Variants in SPPL2B observed in about 807,000 individuals in gnomAD.
SPPL2B encodes the protein signal peptide peptidase like 2B.
SPPL2B carries 39 observed loss-of-function variants against 59.7 expected under a neutral mutation model. The ratio of observed to expected loss-of-function variants is 0.65; its 90% CI spans 0.51 to 0.85. SPPL2B has a LOEUF of 0.85. SPPL2B is among the 40% of genes least tolerant of loss of function. The pLI, the probability that SPPL2B is intolerant of heterozygous loss-of-function variation, is 0.00. For synonymous variants in SPPL2B, 419 were observed against 370.8 expected (o/e 1.13, Z -1.49); for missense variants, 865 against 849.0 (o/e 1.02, Z -0.23).
intron 7 of SPPL2B, 116 bp downstream of exon 7, chr19:2,340,288 T>G: frequency 1.2e-6 from 1 of 843,210 alleles, no homozygotes; most frequent in Non-Finnish European, 1.8e-6. Flanking sequence ...CAGCAGGCGC[T>G]CCCTCAGTGC....
intron 3 of SPPL2B, 22 bp downstream of exon 3, chr19:2,337,647 G>A (rs1375587550): frequency 2.6e-6 from 4 of 1,524,260 alleles, no homozygotes; most frequent in East Asian, 2.4e-5. Flanking sequence ...TGCGTCCCCC[G>A]CTGGGCCAGC....
Position 2,351,506 on chromosome 19 carries a change from A to G in SPPL2B, c.1427A>G (p.Tyr476Cys). The change falls in exon 14 of 15, where the codon TAC (tyrosine) becomes TGC (cysteine). Residue 476 changes from tyrosine (Y) to cysteine (C), a missense_variant. By Grantham distance (194) the Tyr-to-Cys change is radical. Transcript: ENST00000613503. The stretch of plus-strand genomic sequence containing the variant: ...CAGCGTGGCCAGCCCGCTCTCCTCT[A>G]CCTGGTGCCCTGCACGCTGGTGACG... ...LMQRGQPALL[Y>C]LVPCTLVTSC... is the part of the protein sequence containing the mutation. The G allele has an allele frequency of 6.2e-7, 1 of 1,610,944 alleles. No homozygotes were observed. Among genetic ancestry groups the G allele is most frequent in the African/African-American group, 1.3e-5 (1 of 75,020 alleles).
At chr19:2,344,304 A>AC in intron 10 of SPPL2B, 58 bp from the exon 11 acceptor site, 1 of 159,594 alleles carries the variant, frequency 6.3e-6, no homozygotes, top group Non-Finnish European at 1.1e-5. Flanking sequence ...CCATCACCCC[A>AC]CTCCCCTGCC....
chr19:2,337,257 G>C (rs751503460), intron 2 of SPPL2B, 186 bp from the exon 3 acceptor site: 74 of 523,850 alleles, frequency 1.4e-4, no homozygotes, highest in Middle Eastern at 5.0e-4. Context: ...AGCCCAGCCC[G>C]TCGCCCAGGG....
At chr19:2,350,171 T>C (rs1410976294) in intron 13 of SPPL2B, among the ~76,000 whole-genome samples, 1 of 126,996 alleles carries the variant, frequency 7.9e-6, no homozygotes, top group Non-Finnish European at 1.6e-5. Flanking sequence ...CGCGCTCTCA[T>C]TCGCTTGATT....
At chr19:2,350,159 C>A (rs1969826905) in intron 13 of SPPL2B, among the ~76,000 whole-genome samples, 1 of 143,532 alleles carries the variant, frequency 7.0e-6, no homozygotes, top group East Asian at 2.1e-4. Flanking sequence ...CACACACACT[C>A]ACGCGCTCTC....
At chr19:2,348,812 G>A (rs374723169) in intron 13 of SPPL2B, among the ~76,000 whole-genome samples, 959 of 85,006 alleles carry the variant, frequency 0.011, 83 homozygotes, top group African/African-American at 0.038. Context: ...ACACACACTC[G>A]TGTTCTCATT....
intron 14 of SPPL2B, 76 bp downstream of exon 14, chr19:2,351,670 C>T (rs1390480433): frequency 1.3e-6 from 2 of 1,535,448 alleles, no homozygotes; most frequent in East Asian, 2.3e-5. Context: ...TGAGTGAGAC[C>T]TCCAGCCACA....
chr19:2,337,358 G>A lies in SPPL2B; in HGVS notation c.187-85G>A, dbSNP rs533582970. On this transcript the variant is annotated intron_variant, in intron 2 of 14. Coordinates refer to ENST00000613503, the MANE Select transcript of SPPL2B (RefSeq NM_152988.3). Reference sequence around the variant, plus strand: ...GGTGAGGGCTGGGATCTAACTCAGCGCAGGCTTCAGGTGGGAGAACGGGCA... The same window carrying A: ...GGTGAGGGCTGGGATCTAACTCAGCACAGGCTTCAGGTGGGAGAACGGGCA... 1.5e-4 allele frequency: 200 copies of A among 1,317,582 alleles called. No individual in the cohort carries two copies. The African/African-American group carries it at 1.8e-3, about 12-fold the overall frequency. 81.6% of individuals were successfully genotyped at this position (1,317,582 alleles called of 1,614,324 possible). A position where few individuals can be genotyped will look rare whatever the true frequency, so the allele number is the denominator to read the frequency against.
At chr19:2,337,718 G>A in intron 3 of SPPL2B, 93 bp downstream of exon 3, 4 of 1,261,928 alleles carry the variant, frequency 3.2e-6, no homozygotes, top group Non-Finnish European at 4.3e-6. Context: ...CTGGTCTTCC[G>A]ACTTCTCGCT....
At chr19:2,338,564 G>C in intron 3 of SPPL2B, 188 bp from the exon 4 acceptor site, 1 of 550,264 alleles carries the variant, frequency 1.8e-6, no homozygotes, top group South Asian at 2.3e-5. Flanking sequence ...GATGCCCTTC[G>C]GCCTCCCTGT....
chr19:2,339,050 G>T lies in SPPL2B; in HGVS notation c.460-19G>T, dbSNP rs1194449662. 1 of 1,545,838 alleles carries T rather than the reference G, an allele frequency of 6.5e-7. No individual in the cohort carries two copies. The highest frequency in any genetic ancestry group is 2.0e-5 in the Admixed American group (1 of 51,004). Reference sequence around the variant, plus strand: ...GCGGGTGGCTCTGACGCCTGCCTCCGGTGTGTTCCTTGAGGCAGCGTTTCG... The same window carrying T: ...GCGGGTGGCTCTGACGCCTGCCTCCTGTGTGTTCCTTGAGGCAGCGTTTCG... On this transcript the variant is annotated intron_variant, in intron 4 of 14. Transcript: ENST00000613503.
At chr19:2,337,664 G>T (rs1003121090) in intron 3 of SPPL2B, 39 bp downstream of exon 3, 1 of 1,500,166 alleles carries the variant, frequency 6.7e-7, no homozygotes, top group South Asian at 1.3e-5. Context: ...CAGCTCTCAG[G>T]GGCAGGAGGG....
In SPPL2B at chr19:2,352,434, A is replaced by G. The variant is rs559848984; in HGVS notation, c.1516-512A>G. 5.8e-4 allele frequency among the ~76,000 whole-genome samples: 88 copies of G among 152,174 alleles called. 3 individuals are homozygous for G. Among genetic ancestry groups the G allele is most frequent in the African/African-American group, 2.0e-3 (81 of 41,536 alleles). On this transcript the variant is annotated intron_variant, in intron 14 of 14. Coordinates refer to ENST00000613503, the MANE Select transcript of SPPL2B (RefSeq NM_152988.3). Reference sequence around the variant, plus strand: ...CTGGCCGCGCATGGGGTCCTACGTCATGTTTTTGTGGAGGTTAAACCACAC... The same window carrying G: ...CTGGCCGCGCATGGGGTCCTACGTCGTGTTTTTGTGGAGGTTAAACCACAC...
rs1342708073 is a variant in SPPL2B, at chr19:2,332,794, G to C, written c.67-1808G>C. On this transcript the variant is annotated intron_variant, in intron 1 of 14. Coordinates refer to ENST00000613503, the MANE Select transcript of SPPL2B (RefSeq NM_152988.3). The surrounding 1 kb of genome is among the most constrained non-coding windows in gnomAD (Gnocchi z 4.6). The stretch of plus-strand genomic sequence containing the variant: ...TGGGGGCCCACACTGAGGGTCTGCA[G>C]TGTGGCACAGCAGCTGGGACCTGGG... 6.6e-6 allele frequency among the ~76,000 whole-genome samples: 1 copy of C among 152,214 alleles called. No individual in the cohort carries two copies. Among genetic ancestry groups the C allele is most frequent in the African/African-American group, 2.4e-5 (1 of 41,438 alleles).
At chr19:2,341,405 C>G in intron 8 of SPPL2B, 1 of 468,356 alleles carries the variant, frequency 2.1e-6, no homozygotes, top group Middle Eastern at 3.2e-4. Context: ...CCAGGGCACC[C>G]GGTCCTCTTG....
At chr19:2,329,297 G>A (rs1235477081) in intron 1 of SPPL2B, among the ~76,000 whole-genome samples, 1 of 152,220 alleles carries the variant, frequency 6.6e-6, no homozygotes, top group South Asian at 2.1e-4. Context: ...CACTGGGGTC[G>A]GATCCCCGCT....
chr19:2,340,284 G>C, intron 7 of SPPL2B, 112 bp downstream of exon 7: 1 of 885,100 alleles, frequency 1.1e-6, no homozygotes, highest in Non-Finnish European at 1.7e-6. Flanking sequence ...TCTACAGCAG[G>C]CGCTCCCTCA....
At chr19:2,349,720 A>T (rs1478949059) in intron 13 of SPPL2B, among the ~76,000 whole-genome samples, 1 of 120,040 alleles carries the variant, frequency 8.3e-6, no homozygotes, top group Admixed American at 8.6e-5. Flanking sequence ...TCGTGTTCTC[A>T]TTCGCTTGAT....
Sources: allele counts gnomAD v4.1 joint callset (sites outside exome capture counted in the v4.1 genomes callset), GRCh38; gene constraint gnomAD v4.1.1; non-coding constraint Gnocchi (gnomAD v3.1); transcripts MANE v1.5; gene names NCBI Gene and HGNC (gene_info 2026-07-23, HGNC 2026-07-21).